Variants in CLCN3 observed in about 807,000 individuals in gnomAD.
CLCN3 encodes the protein H(+)/Cl(-) exchange transporter 3.
CLCN3 carries 16 observed loss-of-function variants against 83.4 expected under a neutral mutation model. The ratio of observed to expected loss-of-function variants is 0.19; its 90% CI spans 0.13 to 0.29. The LOEUF is 0.29. CLCN3 is among the 10% of genes least tolerant of loss of function. The pLI is 1.00. For synonymous variants in CLCN3, 322 were observed against 346.2 expected, an observed-to-expected ratio of 0.93 and a Z score of 0.78; for missense variants, 544 against 1,006.0, an observed-to-expected ratio of 0.54 and a Z score of 6.21.
At chr4:169,644,797 G>T (rs1334578919) in intron 2 of CLCN3, among the ~76,000 whole-genome samples, 3 of 152,150 alleles carry the variant, frequency 2.0e-5, no homozygotes, top group African/African-American at 7.2e-5. Flanking sequence ...GGATTATCTG[G>T]GTATCTCTGA....
At chr4:169,621,427 T>G (rs561134250) in intron 1 of CLCN3, among the ~76,000 whole-genome samples, 19 of 152,352 alleles carry the variant, frequency 1.2e-4, no homozygotes, top group African/African-American at 4.3e-4. Context: ...AAATATTTTT[T>G]GTGTATATAT....
intron 2 of CLCN3, among the ~76,000 whole-genome samples, chr4:169,647,999 C>A (rs1730623080): frequency 6.6e-6 from 1 of 152,172 alleles, no homozygotes. Context: ...CTAGTCTAAT[C>A]ATAAGAAAAG....
rs1255358324 is a variant in CLCN3 at position 169,721,290 on chromosome 4, C to G, written c.*1293C>G. 6.6e-6 allele frequency: 1 copy of G among 151,940 alleles called. No homozygotes were observed. The highest frequency in any genetic ancestry group is 2.4e-5 in the African/African-American group (1 of 41,346). 9.4% of individuals were successfully genotyped at this position (151,940 alleles called of 1,614,324 possible). ...ATAGAATAATTCAGACTTACAAATA[C>G]AGAGATATGAACAAAGTTTACAGTG... On this transcript the variant is annotated 3_prime_UTR_variant, in exon 13 of 13. Transcript: ENST00000513761.
intron 2 of CLCN3, among the ~76,000 whole-genome samples, chr4:169,645,541 T>C (rs1730550784): frequency 6.6e-6 from 1 of 152,190 alleles, no homozygotes; most frequent in Non-Finnish European, 1.5e-5. Flanking sequence ...TATTTGTATA[T>C]AGGATAGAAC....
intron 2 of CLCN3, among the ~76,000 whole-genome samples, chr4:169,666,414 G>A (rs1209012590): frequency 6.6e-6 from 1 of 152,196 alleles, no homozygotes; most frequent in Non-Finnish European, 1.5e-5. Flanking sequence ...GGGTAAGAAT[G>A]GGGATGCATT....
intron 2 of CLCN3, among the ~76,000 whole-genome samples, chr4:169,675,682 A>G (rs935695227): frequency 2.6e-5 from 4 of 152,206 alleles, no homozygotes; most frequent in Non-Finnish European, 4.4e-5. Flanking sequence ...GAAATTATGT[A>G]TGAGGTTTTC....
In CLCN3 at chr4:169,666,641, G is replaced by A. The variant is rs534399940; in HGVS notation, c.161-13409G>A. ...ATATGTGTTTGGGAGAAGGCATCAC[G>A]TAATAGTTCTTAACCTACTCTGAGA... On this transcript the variant is annotated intron_variant, in intron 2 of 12. Transcript: ENST00000513761. 7.2e-5 allele frequency among the ~76,000 whole-genome samples: 11 copies of A among 152,288 alleles called. No homozygotes were observed. The South Asian group carries it at 1.2e-3, about 17-fold the overall frequency.
chr4:169,689,831 A>G (rs1252838301), intron 5 of CLCN3, among the ~76,000 whole-genome samples: 1 of 152,186 alleles, frequency 6.6e-6, no homozygotes, highest in Non-Finnish European at 1.5e-5. Context: ...GCTGTTTCTC[A>G]CCTGGCTTAA....
At chr4:169,704,896 A>G (rs1189705434) in intron 10 of CLCN3, among the ~76,000 whole-genome samples, 2 of 152,214 alleles carry the variant, frequency 1.3e-5, no homozygotes, top group Non-Finnish European at 2.9e-5. Context: ...TGTAATATCA[A>G]TTAAAAGGAA....
At chr4:169,690,391 C>A (rs113230294) in intron 5 of CLCN3, 139 bp from the exon 6 acceptor site, 5 of 775,090 alleles carry the variant, frequency 6.5e-6, no homozygotes, top group African/African-American at 5.3e-5. Context: ...GGTGATCCAC[C>A]CGCCTCAACC....
At chr4:169,630,243 G>T (rs1157761216) in intron 1 of CLCN3, among the ~76,000 whole-genome samples, 1 of 152,178 alleles carries the variant, frequency 6.6e-6, no homozygotes, top group Non-Finnish European at 1.5e-5. Flanking sequence ...CAGGAAGTGG[G>T]TATAGTGCTC....
intron 1 of CLCN3, among the ~76,000 whole-genome samples, chr4:169,632,416 C>A (rs1215856939): frequency 6.6e-6 from 1 of 152,074 alleles, no homozygotes; most frequent in Non-Finnish European, 1.5e-5. Flanking sequence ...CACCATCTCA[C>A]GCCAGTCAGA....
chr4:169,636,817 A>G (rs1365622300), intron 2 of CLCN3, among the ~76,000 whole-genome samples: 2 of 148,020 alleles, frequency 1.4e-5, no homozygotes, highest in Admixed American at 1.4e-4. Flanking sequence ...AGTGCACATT[A>G]TGTACACAGT....
At chr4:169,709,107 A>G (rs955083119) in intron 11 of CLCN3, among the ~76,000 whole-genome samples, 4 of 148,530 alleles carry the variant, frequency 2.7e-5, no homozygotes, top group Non-Finnish European at 5.9e-5. Context: ...ATTACATTAT[A>G]TATATAGAAA....
chr4:169,642,577 G>A (rs1730447465), intron 2 of CLCN3: 1 of 152,166 alleles, frequency 6.6e-6, no homozygotes, highest in Non-Finnish European at 1.5e-5. Flanking sequence ...CACACCCAGT[G>A]GCACGATCTC....
chr4:169,678,816 C>A (rs1380383352), intron 2 of CLCN3, among the ~76,000 whole-genome samples: 1 of 152,246 alleles, frequency 6.6e-6, no homozygotes, highest in African/African-American at 2.4e-5. Flanking sequence ...GTGTCTACTT[C>A]TTTCTACACA....
rs780326400 is a variant in CLCN3 at position 169,704,003 on chromosome 4, A to G, written c.1569A>G (p.Pro523=). The G allele has an allele frequency of 1.4e-5, 22 of 1,613,942 alleles. No homozygotes were observed. Among genetic ancestry groups the G allele is most frequent in the Non-Finnish European group, 1.4e-5 (17 of 1,179,966 alleles). The change falls in exon 10 of 13, where the codon CCA becomes CCG. Residue 523 remains proline, a synonymous_variant. Transcript: ENST00000513761. ...MTVFTFGIKV[P]SGLFIPSMAI... is the part of the protein sequence containing the mutation. ...GAGTTCTGTTGTTGTTATAGGTTCC[A>G]TCAGGCTTGTTCATCCCCAGCATGG...
At chr4:169,651,834 G>T (rs1451193248) in intron 2 of CLCN3, among the ~76,000 whole-genome samples, 3 of 152,094 alleles carry the variant, frequency 2.0e-5, no homozygotes, top group Non-Finnish European at 4.4e-5. Context: ...ACACAGTTCT[G>T]AAATACAGAG....
At chr4:169,647,381 C>A (rs895270780) in intron 2 of CLCN3, among the ~76,000 whole-genome samples, 1 of 151,930 alleles carries the variant, frequency 6.6e-6, no homozygotes, top group Admixed American at 6.6e-5. Flanking sequence ...CAGAGCAAGA[C>A]CCCATCTCAA....
Sources: allele counts gnomAD v4.1 joint callset (sites outside exome capture counted in the v4.1 genomes callset), GRCh38; gene constraint gnomAD v4.1.1; transcripts MANE v1.5; gene names NCBI Gene and HGNC (gene_info 2026-07-23, HGNC 2026-07-21).